Variants in CLCN4 observed in about 807,000 individuals in gnomAD.
CLCN4 encodes the protein Cl-/H+ antiporter 4, also known as H(+)/Cl(-) exchange transporter 4.
CLCN4 carries 1 observed loss-of-function variant against 41.7 expected under a neutral mutation model. That is an observed-to-expected ratio of 0.02 (90% CI 0.01 to 0.11). The LOEUF (loss-of-function observed/expected upper bound fraction) is 0.11. CLCN4 is among the 10% of genes least tolerant of loss of function. CLCN4 has a pLI of 1.00. For synonymous variants in CLCN4, 277 were observed against 285.8 expected, an observed-to-expected ratio of 0.97 and a Z score of 0.31; for missense variants, 287 against 661.0, an observed-to-expected ratio of 0.43 and a Z score of 6.20.
At chrX:10,212,329 C>A in intron 9 of CLCN4, 138 bp from the exon 10 acceptor site, 1 of 531,375 alleles carries the variant, frequency 1.9e-6, no homozygotes, top group Non-Finnish European at 3.1e-6. Context: ...CCCCAGCTGA[C>A]CTATTTTGCA....
intron 12 of CLCN4, among the ~76,000 whole-genome samples, chrX:10,230,135 C>T (rs1351506528): frequency 8.9e-6 from 1 of 111,971 alleles, no homozygotes; most frequent in Non-Finnish European, 1.9e-5. Context: ...GTTGTTTGAG[C>T]TCCTTATATA....
intron 6 of CLCN4, among the ~76,000 whole-genome samples, chrX:10,203,327 A>C (rs1247713607): frequency 8.9e-6 from 1 of 111,761 alleles, no homozygotes; most frequent in African/African-American, 3.3e-5. Context: ...GCACGGGCTC[A>C]ATTAAGCTAA....
chrX:10,162,928 T>A (rs1402438476), intron 2 of CLCN4, among the ~76,000 whole-genome samples: 1 of 113,237 alleles, frequency 8.8e-6, no homozygotes, highest in East Asian at 2.7e-4. Context: ...TGTGAACAAC[T>A]GTTCAGTCTG....
chrX:10,167,183 C>T (rs376355963), intron 2 of CLCN4, among the ~76,000 whole-genome samples: 7 of 112,240 alleles, frequency 6.2e-5, no homozygotes, highest in East Asian at 2.8e-4. Flanking sequence ...ACTCCTTGGT[C>T]GTGTGGCCCT....
chrX:10,186,019 G>A lies in CLCN4; in HGVS notation c.144+843G>A, dbSNP rs1005160944. ...TCAGGATGGAGAGGTATTTTGAGGC[G>A]CCACGGACGGGATTCAGGGGAGGTG... On this transcript the variant is annotated intron_variant, in intron 3 of 12. Coordinates refer to ENST00000380833, the MANE Select transcript of CLCN4 (RefSeq NM_001830.4). Among the ~76,000 whole-genome samples, 7 of 111,241 alleles carry A rather than the reference G, an allele frequency of 6.3e-5. No individual in the cohort carries two copies. In the South Asian group the frequency reaches 1.1e-3, roughly 18 times the overall value.
rs747453346 is a variant in CLCN4, at chrX:10,169,595, AT to A, written c.-12+11045del. Among the ~76,000 whole-genome samples, 9 of 111,821 alleles carry A rather than the reference AT, an allele frequency of 8.0e-5. No homozygotes were observed. In the East Asian group the frequency reaches 1.7e-3, roughly 21 times the overall value. The stretch of plus-strand genomic sequence containing the variant: ...AAATTATTATCATGTCTTTAAAAAA[AT>A]ATTTTCTGTTTTTCTTTTTAAAATT... On this transcript the variant is annotated intron_variant, in intron 2 of 12. Coordinates refer to ENST00000380833, the MANE Select transcript of CLCN4 (RefSeq NM_001830.4).
intron 2 of CLCN4, among the ~76,000 whole-genome samples, chrX:10,169,526 C>G (rs1923331261): frequency 9.0e-6 from 1 of 111,679 alleles, no homozygotes; most frequent in Non-Finnish European, 1.9e-5. Flanking sequence ...CAAACAAAAC[C>G]AGTAAGGAAA....
chrX:10,161,167 G>A (rs778906586), intron 2 of CLCN4, among the ~76,000 whole-genome samples: 11 of 75,612 alleles, frequency 1.5e-4, no homozygotes, highest in Middle Eastern at 6.6e-3. Flanking sequence ...CTCTCTGTCT[G>A]TCTCATCTTT....
chrX:10,178,126 C>A (rs772919726), intron 2 of CLCN4, among the ~76,000 whole-genome samples: 2 of 107,600 alleles, frequency 1.9e-5, no homozygotes, highest in Non-Finnish European at 3.8e-5. Context: ...ATATTAGTGG[C>A]TGCCTAGGCT....
intron 2 of CLCN4, among the ~76,000 whole-genome samples, chrX:10,184,550 A>G (rs1306231921): frequency 9.0e-6 from 1 of 111,603 alleles, no homozygotes; most frequent in Non-Finnish European, 1.9e-5. Context: ...TTTGCTGTTT[A>G]AAATGGCCCT....
intron 6 of CLCN4, among the ~76,000 whole-genome samples, chrX:10,203,672 A>C (rs1924299469): frequency 9.0e-6 from 1 of 111,452 alleles, no homozygotes; most frequent in Admixed American, 9.5e-5. Flanking sequence ...CCTGGGCTGC[A>C]TTTTCGAGTC....
At chrX:10,169,765 C>A (rs1923338808) in intron 2 of CLCN4, among the ~76,000 whole-genome samples, 2 of 85,205 alleles carry the variant, frequency 2.3e-5, no homozygotes, top group Non-Finnish European at 2.2e-5. Context: ...TTTCTTGATT[C>A]TTTTTTTTTC....
chrX:10,167,785 A>C (rs1360052275), intron 2 of CLCN4, among the ~76,000 whole-genome samples: 1 of 112,837 alleles, frequency 8.9e-6, no homozygotes, highest in Non-Finnish European at 1.9e-5. Flanking sequence ...AGACCCAGCC[A>C]CACTGCTCCC....
At chrX:10,219,264 TC>T (rs1043716302) in intron 11 of CLCN4, among the ~76,000 whole-genome samples, 1 of 112,690 alleles carries the variant, frequency 8.9e-6, no homozygotes, top group Non-Finnish European at 1.9e-5. Context: ...TGACATTCAC[TC>T]AGTGGTTGAA....
At chrX:10,175,025 CTG>C (rs1255893627) in intron 2 of CLCN4, among the ~76,000 whole-genome samples, 1 of 112,282 alleles carries the variant, frequency 8.9e-6, no homozygotes, top group African/African-American at 3.2e-5. Context: ...GCTCTGTATT[CTG>C]TGTTTACTCA....
chrX:10,212,056 C>A (rs1377067349), intron 9 of CLCN4, among the ~76,000 whole-genome samples: 2 of 111,742 alleles, frequency 1.8e-5, no homozygotes, highest in African/African-American at 6.5e-5. Context: ...GCAGGCCCTT[C>A]TTTTCCATTT....
intron 4 of CLCN4, among the ~76,000 whole-genome samples, chrX:10,194,416 G>A (rs767165224): frequency 3.0e-4 from 33 of 111,719 alleles, no homozygotes; most frequent in African/African-American, 1.1e-3. Flanking sequence ...TTAATAAACA[G>A]GATCTTCCCG....
At chrX:10,174,421 G>A (rs1001925044) in intron 2 of CLCN4, among the ~76,000 whole-genome samples, 4 of 112,441 alleles carry the variant, frequency 3.6e-5, no homozygotes, top group African/African-American at 1.3e-4. Context: ...AGCCCTTTAC[G>A]GACCCAAGTC....
At chrX:10,222,291 G>A (rs955008363) in intron 12 of CLCN4, among the ~76,000 whole-genome samples, 5 of 111,837 alleles carry the variant, frequency 4.5e-5, no homozygotes, top group African/African-American at 1.6e-4. Flanking sequence ...CTTGTGTAAG[G>A]GAAGGGGTCG....
Sources: allele counts gnomAD v4.1 joint callset (sites outside exome capture counted in the v4.1 genomes callset), GRCh38; gene constraint gnomAD v4.1.1; transcripts MANE v1.5; gene names NCBI Gene and HGNC (gene_info 2026-07-23, HGNC 2026-07-21).